NDUFA7: variants seen among roughly 807,000 people sequenced by gnomAD.
The protein encoded by NDUFA7 is NADH dehydrogenase [ubiquinone] 1 alpha subcomplex subunit 7.
A neutral mutation model predicts 14.2 loss-of-function variants in NDUFA7; 18 were observed. That is an observed-to-expected ratio of 1.27 (90% CI 0.88 to 1.88). The LOEUF is 1.88. Among genes scored for constraint, NDUFA7 ranks in the 40% most tolerant of loss-of-function variants. The pLI, the probability that NDUFA7 is intolerant of heterozygous loss-of-function variation, is 0.00. For missense variants in NDUFA7, 172 were observed against 147.3 expected, an observed-to-expected ratio of 1.17 and a Z score of -0.87; for synonymous variants, 75 against 62.1, an observed-to-expected ratio of 1.21 and a Z score of -0.98.
intron 2 of NDUFA7, among the ~76,000 whole-genome samples, chr19:8,318,295 C>T (rs746350258): frequency 5.3e-4 from 81 of 152,106 alleles, no homozygotes; most frequent in Non-Finnish European, 8.7e-4. Flanking sequence ...GGAATACAGG[C>T]GTGTGCCACC....
At chr19:8,309,145 C>T (rs1970143598), downstream of NDUFA7, among the ~76,000 whole-genome samples, 1 of 151,724 alleles carries the variant, frequency 6.6e-6, no homozygotes, top group Non-Finnish European at 1.5e-5. Flanking sequence ...TCACTTGGGG[C>T]TGCACTCCAG....
chr19:8,312,945 G>A (rs1970194582), intron 3 of NDUFA7, among the ~76,000 whole-genome samples: 1 of 152,100 alleles, frequency 6.6e-6, no homozygotes, highest in African/African-American at 2.4e-5. Flanking sequence ...GATTACAGGC[G>A]AGAGCCACAG....
At chr19:8,318,141 G>A (rs1970256977) in intron 2 of NDUFA7, among the ~76,000 whole-genome samples, 1 of 152,060 alleles carries the variant, frequency 6.6e-6, no homozygotes, top group Non-Finnish European at 1.5e-5. Flanking sequence ...CTTGAGGCCA[G>A]GAGTGTTTTT....
chr19:8,321,121 C>T, intron 1 of NDUFA7, 187 bp downstream of exon 1: 1 of 903,884 alleles, frequency 1.1e-6, no homozygotes, highest in Non-Finnish European at 1.6e-6. Context: ...CTGGGGAAAT[C>T]CCAGGCCTGA....
chr19:8,320,981 G>A (rs1970299086), intron 1 of NDUFA7, 75 bp from the exon 2 acceptor site: 2 of 1,514,964 alleles, frequency 1.3e-6, no homozygotes, highest in Non-Finnish European at 1.8e-6. Context: ...AAGGGACCAG[G>A]GATGGTCCGG....
chr19:8,320,880 T>A lies in NDUFA7; in HGVS notation c.78A>T (p.Leu26=), dbSNP rs1970296556. The change falls in exon 2 of 4, where the codon CTA becomes CTT. Residue 26 remains leucine (L), a synonymous_variant. Transcript: ENST00000301457. ...ACCGCTTGGAGATCTCCTGGTAGCG[T>A]AGCTGCAGCTTCCCCTGCAGGTCAT... ...SGHDLQGKLQ[L]RYQEISKRTQ... is the part of the protein sequence containing the mutation. 1 of 1,613,492 alleles carries A rather than the reference T, an allele frequency of 6.2e-7. No individual in the cohort carries two copies. Among genetic ancestry groups the A allele is most frequent in the Non-Finnish European group, 8.5e-7 (1 of 1,179,988 alleles).
chr19:8,320,988 C>CCCTTG, intron 1 of NDUFA7, 82 bp from the exon 2 acceptor site: 2 of 1,506,000 alleles, frequency 1.3e-6, no homozygotes, highest in Non-Finnish European at 1.8e-6. Context: ...CAGGGATGGT[C>CCCTTG]CGGGGATGCG....
chr19:8,319,869 A>G (rs1204020803), intron 2 of NDUFA7, among the ~76,000 whole-genome samples: 1 of 151,864 alleles, frequency 6.6e-6, no homozygotes, highest in Admixed American at 6.6e-5. Flanking sequence ...TTTTTGAGAC[A>G]GAGTGTTGTT....
At chr19:8,309,302 C>G (rs972328418), downstream of NDUFA7, among the ~76,000 whole-genome samples, 8 of 151,956 alleles carry the variant, frequency 5.3e-5, no homozygotes, top group African/African-American at 1.9e-4. Context: ...GTAAAACTCC[C>G]GTCTCTACCA....
chr19:8,316,386 G>T, intron 3 of NDUFA7, 110 bp downstream of exon 3: 1 of 1,460,876 alleles, frequency 6.8e-7, no homozygotes, highest in Non-Finnish European at 9.2e-7. Flanking sequence ...CTGCGCAACT[G>T]ATGCTTACTA....
chr19:8,317,033 G>A (rs1156714819), intron 2 of NDUFA7, among the ~76,000 whole-genome samples: 6 of 152,126 alleles, frequency 3.9e-5, no homozygotes, highest in African/African-American at 1.4e-4. Flanking sequence ...CCTAAAGCCA[G>A]GCTCTGGACG....
chr19:8,315,711 C>T (rs569714757), intron 3 of NDUFA7, among the ~76,000 whole-genome samples: 31 of 152,198 alleles, frequency 2.0e-4, no homozygotes, highest in African/African-American at 6.0e-4. Context: ...CCTGGTCACC[C>T]GATTTCTTTC....
chr19:8,321,297 GC>G lies in NDUFA7; in HGVS notation c.51+10del. 1.3e-6 allele frequency: 2 copies of G among 1,563,956 alleles called. No individual in the cohort carries two copies. The highest frequency in any genetic ancestry group is 8.6e-7 in the Non-Finnish European group (1 of 1,157,986). On this transcript the variant is annotated intron_variant, in intron 1 of 3. Coordinates refer to ENST00000301457, the MANE Select transcript of NDUFA7 (RefSeq NM_005001.5). ...AGCCCCCCATGGTGCAGCCCTGTCCGCCCCGCGCACCCCGGACGCCCAGTTC... is the reference window on the plus strand; with the variant it reads ...AGCCCCCCATGGTGCAGCCCTGTCCGCCCGCGCACCCCGGACGCCCAGTTC...
intron 3 of NDUFA7, among the ~76,000 whole-genome samples, 178 bp from the exon 4 acceptor site, chr19:8,311,773 A>G (rs755040546): frequency 3.3e-5 from 5 of 152,134 alleles, no homozygotes; most frequent in Non-Finnish European, 7.4e-5. Context: ...GGATCAGCCA[A>G]CGCCAGGTGG....
At chr19:8,311,759 C>CA (rs1970180851) in intron 3 of NDUFA7, among the ~76,000 whole-genome samples, 164 bp from the exon 4 acceptor site, 1 of 152,200 alleles carries the variant, frequency 6.6e-6, no homozygotes, top group Admixed American at 6.5e-5. Flanking sequence ...CGCAGCCCCT[C>CA]AGAGGATCAG....
At chr19:8,312,981 G>A (rs1203398936) in intron 3 of NDUFA7, among the ~76,000 whole-genome samples, 2 of 152,036 alleles carry the variant, frequency 1.3e-5, no homozygotes, top group African/African-American at 4.8e-5. Flanking sequence ...TATTTCAGTA[G>A]AGGCAGGGTT....
chr19:8,321,175 T>A (rs4147647), intron 1 of NDUFA7, 133 bp downstream of exon 1: 1 of 1,178,204 alleles, frequency 8.5e-7, no homozygotes, highest in African/African-American at 1.6e-5. Flanking sequence ...AAGGGGTGAC[T>A]AGCTGGGGGT....
Position 8,311,423 on chromosome 19 carries a change from G to C in NDUFA7, c.*82C>G, listed in dbSNP as rs1970175077. ...ACTAGAAGTGATACCTGAGCTCTAC[G>C]TATTTGTCATAAATTAGGTCACATT... On this transcript the variant is annotated 3_prime_UTR_variant, in exon 4 of 4. Coordinates refer to ENST00000301457, the MANE Select transcript of NDUFA7 (RefSeq NM_005001.5). 1.9e-6 allele frequency: 2 copies of C among 1,077,516 alleles called. No homozygotes were observed. The highest frequency in any genetic ancestry group is 2.7e-6 in the Non-Finnish European group (2 of 735,162). 66.7% of individuals were successfully genotyped at this position (1,077,516 alleles called of 1,614,324 possible). A position where few individuals can be genotyped will look rare whatever the true frequency, so the allele number is the denominator to read the frequency against.
intron 1 of NDUFA7, 82 bp from the exon 2 acceptor site, chr19:8,320,988 C>A: frequency 6.6e-7 from 1 of 1,506,006 alleles, no homozygotes; most frequent in South Asian, 1.1e-5. Context: ...CAGGGATGGT[C>A]CGGGGATGCG....
Sources: gnomAD v4.1 joint callset for allele counts (sites outside exome capture counted in the v4.1 genomes callset) on GRCh38, gnomAD v4.1.1 for gene constraint, MANE v1.5 for transcripts, NCBI Gene and HGNC (gene_info 2026-07-23, HGNC 2026-07-21) for gene names.